The following DNAH11 variants were observed in gnomAD, a reference collection of about 807,000 sequenced individuals.
DNAH11 encodes dynein axonemal heavy chain 11.
In DNAH11, 442 loss-of-function variants were observed where a neutral mutation model predicts 526.0. The observed-to-expected ratio is 0.84, with a 90% CI of 0.78 to 0.91. DNAH11 has a LOEUF of 0.91. Among genes scored for constraint, DNAH11 ranks in the 40% least tolerant of loss-of-function variants. The probability of loss-of-function intolerance (pLI) is 0.00; values close to 1 mark genes in which losing one functional copy is unlikely to be tolerated. For synonymous variants in DNAH11, 2,461 were observed against 1,935.9 expected, an observed-to-expected ratio of 1.27 and a Z score of -7.12; for missense variants, 6,989 against 5,448.7, an observed-to-expected ratio of 1.28 and a Z score of -8.90.
At chr7:21,616,716 A>G (rs1169993232) in intron 22 of DNAH11, among the ~76,000 whole-genome samples, 1 of 152,290 alleles carries the variant, frequency 6.6e-6, no homozygotes, top group African/African-American at 2.4e-5. Context: ...TATGCGGAAT[A>G]CTATGATCTT....
At chr7:21,752,383 G>C (rs1786451259) in intron 54 of DNAH11, among the ~76,000 whole-genome samples, 1 of 152,184 alleles carries the variant, frequency 6.6e-6, no homozygotes, top group Non-Finnish European at 1.5e-5. Flanking sequence ...CTAATATCCA[G>C]TATGGCAGAG....
chr7:21,714,171 G>A (rs1784563127), intron 42 of DNAH11, among the ~76,000 whole-genome samples: 1 of 152,202 alleles, frequency 6.6e-6, no homozygotes, highest in South Asian at 2.1e-4. Context: ...GGACTTCTAT[G>A]CAGTACATCA....
intron 8 of DNAH11, 23 bp downstream of exon 8, chr7:21,571,996 T>C (rs1783911322): frequency 6.7e-7 from 1 of 1,484,556 alleles, no homozygotes; most frequent in African/African-American, 1.4e-5. Context: ...CTTTGCATTT[T>C]CATTGCATGG....
chr7:21,859,481 C>G (rs992597165), intron 68 of DNAH11, among the ~76,000 whole-genome samples: 1 of 152,144 alleles, frequency 6.6e-6, no homozygotes, highest in Non-Finnish European at 1.5e-5. Flanking sequence ...TGCAAATATT[C>G]AAACATCTGA....
Position 21,789,808 on chromosome 7 carries a change from T to TCTTTCTTTCTTTCTTCTTTCTTTC in DNAH11, c.10026+466_10026+467insCTTTCTTTCTTTCTTCTTTCTTTC. The stretch of plus-strand genomic sequence containing the variant: ...TTCTTTCTTTCTTTCTTTCTTTCTT[T>TCTTTCTTTCTTTCTTCTTTCTTTC]TTTCTTTCTTTCTTTCTTTCTTTCT... On this transcript the variant is annotated intron_variant, in intron 61 of 81. Transcript: ENST00000409508. Among the ~76,000 whole-genome samples the TCTTTCTTTCTTTCTTCTTTCTTTC allele has an allele frequency of 1.2e-4, 4 of 34,126 alleles. No individual in the cohort carries two copies. In the East Asian group the frequency reaches 1.9e-3, roughly 16 times the overall value. 22.4% of individuals were successfully genotyped at this position (34,126 alleles called of 152,430 possible).
intron 54 of DNAH11, among the ~76,000 whole-genome samples, chr7:21,758,888 A>G (rs370900288): frequency 1.2e-4 from 19 of 152,346 alleles, no homozygotes; most frequent in African/African-American, 4.1e-4. Flanking sequence ...GCATGTGTGT[A>G]GAGTTATCCC....
Position 21,543,287 on chromosome 7 carries a change from A to G in DNAH11, c.42A>G (p.Arg14=). Residue 14 remains arginine (R), a synonymous_variant, in exon 1 of 82, where the codon AGA becomes AGG. Transcript: ENST00000409508. ...CAGCCCGGGAGGCGCGAGACTTCAG[A>G]GAAGCCCCGACCCTTCGCCTAACCT... ...QVAAREARDF[R]EAPTLRLTSG... 6.5e-7 allele frequency: 1 copy of G among 1,545,388 alleles called. No homozygotes were observed. Among genetic ancestry groups the G allele is most frequent in the African/African-American group, 1.4e-5 (1 of 73,030 alleles).
chr7:21,868,050 C>T (rs1211405164), intron 72 of DNAH11, 43 bp downstream of exon 72: 2 of 1,425,642 alleles, frequency 1.4e-6, no homozygotes, highest in Non-Finnish European at 1.8e-6. Flanking sequence ...TTCTCCCTCC[C>T]TCCCTTTCAC....
intron 25 of DNAH11, among the ~76,000 whole-genome samples, chr7:21,626,979 T>C (rs1345973212): frequency 1.3e-5 from 2 of 152,078 alleles, no homozygotes; most frequent in African/African-American, 4.8e-5. Context: ...CTCGATCTCC[T>C]GACCTCGTGA....
intron 65 of DNAH11, among the ~76,000 whole-genome samples, chr7:21,819,800 G>C (rs1397960169): frequency 2.0e-5 from 3 of 152,160 alleles, no homozygotes; most frequent in Non-Finnish European, 2.9e-5. Flanking sequence ...TTTAGAAACA[G>C]ATTTTACATA....
At chr7:21,606,327 G>GAAA in intron 18 of DNAH11, 99 bp from the exon 19 acceptor site, 13 of 830,632 alleles carry the variant, frequency 1.6e-5, no homozygotes, top group East Asian at 3.3e-5. Flanking sequence ...TGTCTCAAGA[G>GAAA]AAAAAAAAAA....
chr7:21,574,894 T>TTTTTA lies in DNAH11; in HGVS notation c.1593+2921_1593+2922insTTTTA, dbSNP rs1784027744. ...TTTTTTTTTTTTTTTTTTTTTTTTT[T>TTTTTA]GAGACAGTTTCACTCTGTCACCCAA... On this transcript the variant is annotated intron_variant, in intron 8 of 81. Transcript: ENST00000409508. Among the ~76,000 whole-genome samples the TTTTTA allele has an allele frequency of 4.1e-5, 4 of 98,016 alleles. No homozygotes were observed. In the East Asian group the frequency reaches 8.8e-4, roughly 21 times the overall value. 64.3% of individuals were successfully genotyped at this position (98,016 alleles called of 152,430 possible).
intron 30 of DNAH11, among the ~76,000 whole-genome samples, chr7:21,678,952 A>G (rs1040189552): frequency 6.6e-6 from 1 of 152,200 alleles, no homozygotes; most frequent in African/African-American, 2.4e-5. Context: ...AGCTTTATTC[A>G]CAATAGCCAA....
chr7:21,901,275 A>G lies in DNAH11; in HGVS notation c.*21A>G. ...CGTAAGGTAACACTGGCATTCCTCT[A>G]GCCTCTGCTGGAGTGCAGTGAGGAT... is the stretch of plus-strand genomic sequence containing the variant. On this transcript the variant is annotated 3_prime_UTR_variant, in exon 82 of 82. Transcript: ENST00000409508. 6.3e-7 allele frequency: 1 copy of G among 1,594,744 alleles called. No individual in the cohort carries two copies. Among genetic ancestry groups the G allele is most frequent in the Non-Finnish European group, 8.6e-7 (1 of 1,169,484 alleles).
At chr7:21,621,035 G>GTGTC (rs1343152079) in intron 25 of DNAH11, among the ~76,000 whole-genome samples, 1 of 152,062 alleles carries the variant, frequency 6.6e-6, no homozygotes, top group African/African-American at 2.4e-5. Flanking sequence ...ACGTGTGCAT[G>GTGTC]TGTCTTTATA....
At chr7:21,708,540 T>C (rs1376240496) in intron 40 of DNAH11, among the ~76,000 whole-genome samples, 2 of 152,220 alleles carry the variant, frequency 1.3e-5, no homozygotes, top group African/African-American at 4.8e-5. Context: ...ATGTTACTTC[T>C]TTGCTTTTGA....
At chr7:21,877,346 A>G (rs890397015) in intron 74 of DNAH11, among the ~76,000 whole-genome samples, 2 of 152,152 alleles carry the variant, frequency 1.3e-5, no homozygotes, top group Non-Finnish European at 2.9e-5. Flanking sequence ...AGTAGCTGGG[A>G]CTACAGGTGT....
At chr7:21,696,743 C>T (rs569568913) in intron 35 of DNAH11, among the ~76,000 whole-genome samples, 1 of 151,956 alleles carries the variant, frequency 6.6e-6, no homozygotes, top group South Asian at 2.1e-4. Flanking sequence ...ATGAGGCCTA[C>T]AGCATGTGCT....
intron 30 of DNAH11, among the ~76,000 whole-genome samples, chr7:21,660,140 T>C (rs1782185528): frequency 6.6e-6 from 1 of 152,090 alleles, no homozygotes; most frequent in Non-Finnish European, 1.5e-5. Context: ...ATGCTGAAGC[T>C]GAGTAGTTAA....
Sources: allele counts gnomAD v4.1 joint callset (sites outside exome capture counted in the v4.1 genomes callset), GRCh38; gene constraint gnomAD v4.1.1; transcripts MANE v1.5; gene names NCBI Gene and HGNC (gene_info 2026-07-23, HGNC 2026-07-21).